The following LRMDA variants were observed in gnomAD, a reference collection of about 807,000 sequenced individuals.
The protein encoded by LRMDA is leucine-rich melanocyte differentiation-associated protein.
LRMDA carries 18 observed loss-of-function variants against 29.8 expected under a neutral mutation model. The observed-to-expected ratio is 0.60, with a 90% confidence interval of 0.42 to 0.90. The LOEUF (loss-of-function observed/expected upper bound fraction) is 0.90, where lower values mean the gene tolerates loss of function less well. LRMDA is among the 40% of genes least tolerant of loss of function. LRMDA has a pLI of 0.00. For synonymous variants in LRMDA, 125 were observed against 109.4 expected (o/e 1.14, Z -0.89); for missense variants, 273 against 273.9 (o/e 1.00, Z 0.02).
chr10:75,618,827 A>G lies in LRMDA; in HGVS notation c.131+180333A>G, dbSNP rs193130631. On this transcript the variant is annotated intron_variant, in intron 2 of 6. Coordinates refer to ENST00000611255, the MANE Select transcript of LRMDA (RefSeq NM_001305581.2). ...ATTTCACTCTTGTTGCCCTGGCTGG[A>G]GTGCAATGGCATGATCTTGGCTTAC... 3.0e-3 allele frequency among the ~76,000 whole-genome samples: 436 copies of G among 146,438 alleles called. 2 individuals are homozygous for G. The highest frequency in any genetic ancestry group is 0.01 in the African/African-American group (407 of 39,580).
chr10:76,428,080 G>A (rs1481490011), intron 6 of LRMDA, among the ~76,000 whole-genome samples: 4 of 151,764 alleles, frequency 2.6e-5, no homozygotes, highest in Non-Finnish European at 5.9e-5. Flanking sequence ...TTTTTGTTGT[G>A]TCTCTGCCAG....
At chr10:76,522,792 C>T (rs1271475534) in intron 6 of LRMDA, among the ~76,000 whole-genome samples, 1 of 152,202 alleles carries the variant, frequency 6.6e-6, no homozygotes, top group Non-Finnish European at 1.5e-5. Context: ...CGGGCAACTC[C>T]TGGGCAGGGA....
intron 6 of LRMDA, among the ~76,000 whole-genome samples, chr10:76,331,232 C>T (rs1451109468): frequency 7.2e-5 from 11 of 152,132 alleles, no homozygotes; most frequent in Admixed American, 7.2e-4. Flanking sequence ...GATCGTGCCA[C>T]TGCACTCCAG....
rs146231678 is a variant in LRMDA, at chr10:75,870,595, C to T, written c.132-165413C>T. 4.9e-4 allele frequency among the ~76,000 whole-genome samples: 74 copies of T among 152,276 alleles called. 2 individuals carry two copies. The highest frequency in any genetic ancestry group is 2.1e-4 in the Non-Finnish European group (14 of 68,020). The stretch of plus-strand genomic sequence containing the variant: ...CAGTCACCGCATCTGGTGGGCGCTT[C>T]TAGGTCTTATCATTCCATCCTCTCT... On this transcript the variant is annotated intron_variant, in intron 2 of 6. Coordinates refer to ENST00000611255, the MANE Select transcript of LRMDA (RefSeq NM_001305581.2).
chr10:76,430,949 C>A (rs1185699184), intron 6 of LRMDA, among the ~76,000 whole-genome samples: 1 of 152,070 alleles, frequency 6.6e-6, no homozygotes, highest in Non-Finnish European at 1.5e-5. Flanking sequence ...TAGTTTTTTC[C>A]TAATGAATTA....
At chr10:76,456,734 A>G (rs1409351456) in intron 6 of LRMDA, among the ~76,000 whole-genome samples, 1 of 151,662 alleles carries the variant, frequency 6.6e-6, no homozygotes, top group Non-Finnish European at 1.5e-5. Flanking sequence ...AGTAAAAGTC[A>G]GCACTCTGAT....
chr10:75,898,399 C>G (rs1845618536), intron 2 of LRMDA, among the ~76,000 whole-genome samples: 2 of 152,302 alleles, frequency 1.3e-5, no homozygotes, highest in South Asian at 4.1e-4. Context: ...GCAGAAACTT[C>G]CGTCCCAGCA....
At chr10:75,839,152 G>A (rs1028594755) in intron 2 of LRMDA, among the ~76,000 whole-genome samples, 10 of 152,212 alleles carry the variant, frequency 6.6e-5, no homozygotes, top group Non-Finnish European at 1.2e-4. Context: ...CAGGCCAGTG[G>A]AGGCTTCATC....
chr10:75,803,424 G>T (rs1002540021), intron 2 of LRMDA, among the ~76,000 whole-genome samples: 2 of 152,210 alleles, frequency 1.3e-5, no homozygotes, highest in Non-Finnish European at 2.9e-5. Flanking sequence ...CAGGGTGAAG[G>T]CTGGGGTAAC....
chr10:76,030,071 T>G (rs1413463956), intron 2 of LRMDA, among the ~76,000 whole-genome samples: 1 of 152,140 alleles, frequency 6.6e-6, no homozygotes, highest in Admixed American at 6.5e-5. Flanking sequence ...ACTTTTTGTG[T>G]TTTAGAAATG....
intron 5 of LRMDA, among the ~76,000 whole-genome samples, chr10:76,298,747 A>G (rs752475508): frequency 5.9e-5 from 9 of 152,242 alleles, no homozygotes; most frequent in East Asian, 1.9e-4. Context: ...TCTTTCTTCC[A>G]TGAAGCATAC....
intron 5 of LRMDA, among the ~76,000 whole-genome samples, chr10:76,060,123 A>G (rs970653132): frequency 2.0e-5 from 3 of 152,208 alleles, no homozygotes; most frequent in African/African-American, 4.8e-5. Context: ...GATAGCCAGC[A>G]TGACCAAACC....
chr10:75,843,106 C>T (rs916323878), intron 2 of LRMDA, among the ~76,000 whole-genome samples: 31 of 152,194 alleles, frequency 2.0e-4, no homozygotes, highest in Non-Finnish European at 4.1e-4. Context: ...AAGCCTGTCT[C>T]ATTCATTTTT....
At chr10:76,355,100 A>T (rs1167820473) in intron 6 of LRMDA, among the ~76,000 whole-genome samples, 1 of 152,182 alleles carries the variant, frequency 6.6e-6, no homozygotes, top group East Asian at 1.9e-4. Context: ...CCTGGGACCT[A>T]TAAAATAAGT....
intron 6 of LRMDA, among the ~76,000 whole-genome samples, chr10:76,445,531 A>AGAGTTAATC (rs1426388036): frequency 6.6e-6 from 1 of 152,232 alleles, no homozygotes; most frequent in Non-Finnish European, 1.5e-5. Context: ...TTCATTTGCC[A>AGAGTTAATC]GAGTTAATCA....
intron 2 of LRMDA, among the ~76,000 whole-genome samples, chr10:75,704,516 C>T (rs1186140662): frequency 6.6e-6 from 1 of 152,204 alleles, no homozygotes; most frequent in Non-Finnish European, 1.5e-5. Flanking sequence ...TTATCCACCT[C>T]CCCACTCCTC....
chr10:76,016,020 T>C (rs1847873668), intron 2 of LRMDA, among the ~76,000 whole-genome samples: 1 of 152,234 alleles, frequency 6.6e-6, no homozygotes, highest in East Asian at 1.9e-4. Flanking sequence ...TGGCATATAA[T>C]CATATATTGC....
chr10:75,858,064 A>G (rs1844857668), intron 2 of LRMDA, among the ~76,000 whole-genome samples: 1 of 152,222 alleles, frequency 6.6e-6, no homozygotes, highest in Non-Finnish European at 1.5e-5. Flanking sequence ...TCCCGAGTGC[A>G]GGTGGCCAGG....
intron 2 of LRMDA, among the ~76,000 whole-genome samples, chr10:75,531,568 C>A (rs184894116): frequency 6.6e-6 from 1 of 152,224 alleles, no homozygotes; most frequent in Non-Finnish European, 1.5e-5. Context: ...TTGTACAAAG[C>A]CTGGTTGTAA....
Sources: allele counts gnomAD v4.1 joint callset (sites outside exome capture counted in the v4.1 genomes callset), GRCh38; gene constraint gnomAD v4.1.1; transcripts MANE v1.5; gene names NCBI Gene and HGNC (gene_info 2026-07-23, HGNC 2026-07-21).